Variants in CBL observed in about 807,000 individuals in gnomAD.
The protein encoded by CBL is Cbl proto-oncogene.
CBL carries 45 observed loss-of-function variants against 96.9 expected under a neutral mutation model. That is an observed-to-expected ratio of 0.46 (90% CI 0.37 to 0.60). The LOEUF (loss-of-function observed/expected upper bound fraction) is 0.60, where lower values mean the gene tolerates loss of function less well. Ranked by LOEUF, CBL falls within the 20% of genes least tolerant of loss-of-function variation. The probability of loss-of-function intolerance (pLI) is 0.00; values close to 1 mark genes in which losing one functional copy is unlikely to be tolerated. For missense variants in CBL, 1,024 were observed against 1,143.5 expected, an observed-to-expected ratio of 0.90 and a Z score of 1.51; for synonymous variants, 420 against 426.8, an observed-to-expected ratio of 0.98 and a Z score of 0.20.
At chr11:119,286,379 T>C (rs978741611) in intron 11 of CBL, among the ~76,000 whole-genome samples, 3 of 152,220 alleles carry the variant, frequency 2.0e-5, no homozygotes, top group Non-Finnish European at 2.9e-5. Context: ...TAAATGCCAT[T>C]TGTAATCTAA....
chr11:119,240,766 C>G (rs1398519460), intron 2 of CBL, among the ~76,000 whole-genome samples: 3 of 152,092 alleles, frequency 2.0e-5, no homozygotes, highest in Non-Finnish European at 4.4e-5. Flanking sequence ...TCTCTTAAAT[C>G]TTCTCTATAA....
intron 2 of CBL, among the ~76,000 whole-genome samples, chr11:119,247,490 CA>C (rs1949640894): frequency 6.6e-6 from 1 of 152,166 alleles, no homozygotes; most frequent in African/African-American, 2.4e-5. Context: ...ATGAGTTCTG[CA>C]AAGTTGCAGG....
intron 1 of CBL, among the ~76,000 whole-genome samples, chr11:119,208,424 CTT>C (rs1053769413): frequency 8.7e-5 from 13 of 150,142 alleles, no homozygotes; most frequent in African/African-American, 2.9e-4. Context: ...GTTTTTCGCT[CTT>C]GTTACCCAGG....
intron 1 of CBL, among the ~76,000 whole-genome samples, chr11:119,218,651 A>G (rs975860237): frequency 2.0e-5 from 3 of 152,050 alleles, no homozygotes; most frequent in Non-Finnish European, 4.4e-5. Context: ...GTGTATCTAC[A>G]CCGTCTACAC....
intron 2 of CBL, among the ~76,000 whole-genome samples, chr11:119,254,523 T>C (rs1205727001): frequency 6.6e-6 from 1 of 152,210 alleles, no homozygotes; most frequent in Admixed American, 6.5e-5. Context: ...CTGTAGACAG[T>C]TGTAACACAA....
intron 1 of CBL, among the ~76,000 whole-genome samples, chr11:119,212,899 G>A (rs1050361909): frequency 1.3e-5 from 2 of 151,558 alleles, no homozygotes; most frequent in African/African-American, 4.9e-5. Flanking sequence ...CCTGGCTACA[G>A]GAGGCAGAGG....
intron 1 of CBL, among the ~76,000 whole-genome samples, chr11:119,230,643 T>G (rs151227502): frequency 3.4e-4 from 52 of 152,316 alleles, no homozygotes; most frequent in African/African-American, 1.2e-3. Flanking sequence ...TTTCATGTAA[T>G]GTGTAAGGGA....
chr11:119,246,161 G>C (rs1324598722), intron 2 of CBL, among the ~76,000 whole-genome samples: 1 of 151,680 alleles, frequency 6.6e-6, no homozygotes, highest in African/African-American at 2.4e-5. Flanking sequence ...TTGTAGTAGA[G>C]ACAGGGTTTC....
intron 1 of CBL, among the ~76,000 whole-genome samples, chr11:119,214,292 G>A (rs1433604992): frequency 2.0e-5 from 3 of 150,818 alleles, no homozygotes; most frequent in East Asian, 1.9e-4. Flanking sequence ...CCAGGCTGGC[G>A]TACAGTCTCG....
chr11:119,298,347 T>A lies in CBL; in HGVS notation c.2252-11T>A. On this transcript the variant is annotated splice_polypyrimidine_tract_variant and intron_variant, in intron 14 of 15. Transcript: ENST00000264033. ...CGTCAGAAGAAGATAACATCACTCA[T>A]TTTTCTCCAGGTGAAGGGAATTTGG... The A allele has an allele frequency of 1.2e-6, 2 of 1,612,918 alleles. No individual in the cohort carries two copies. The highest frequency in any genetic ancestry group is 1.7e-6 in the Non-Finnish European group (2 of 1,178,872).
rs371858324 is a variant in CBL at position 119,284,880 on chromosome 11, A to G, written c.1432-89A>G. 5.3e-6 allele frequency: 8 copies of G among 1,505,270 alleles called. No homozygotes were observed. In the African/African-American group the frequency reaches 6.9e-5, roughly 13 times the overall value. The allele number at this position is 1,505,270 out of a possible 1,614,324, so 93.2% of individuals were successfully genotyped here. A position where few individuals can be genotyped will look rare whatever the true frequency, so the allele number is the denominator to read the frequency against. On this transcript the variant is annotated intron_variant, in intron 9 of 15. Coordinates refer to ENST00000264033, the MANE Select transcript of CBL (RefSeq NM_005188.4). ...GCCCATTTGTAGTTTAAGTGTTCCC[A>G]TGGTATTTGCCATCCACAGCTTTAG...
intron 2 of CBL, among the ~76,000 whole-genome samples, chr11:119,239,081 C>CA (rs971307483): frequency 7.6e-4 from 115 of 152,200 alleles, no homozygotes; most frequent in African/African-American, 2.6e-3. Flanking sequence ...GTGATCCTCC[C>CA]ACCTCAGTCT....
chr11:119,260,788 T>C (rs1043871821), intron 2 of CBL, among the ~76,000 whole-genome samples: 1 of 152,158 alleles, frequency 6.6e-6, no homozygotes, highest in African/African-American at 2.4e-5. Flanking sequence ...TTGATCTCTC[T>C]GCTTTCGCAG....
At chr11:119,213,889 GC>G (rs1056778518) in intron 1 of CBL, among the ~76,000 whole-genome samples, 5 of 151,724 alleles carry the variant, frequency 3.3e-5, no homozygotes, top group African/African-American at 9.7e-5. Flanking sequence ...GGCTTTGTGT[GC>G]CCCCAAGGAA....
At chr11:119,285,662 A>G (rs2135311199) in intron 11 of CBL, 96 bp downstream of exon 11, 1 of 1,381,398 alleles carries the variant, frequency 7.2e-7, no homozygotes, top group Non-Finnish European at 1.0e-6. Flanking sequence ...TTGGGAGGCC[A>G]AGGTGGGTGG....
chr11:119,287,529 A>C (rs1387982466), intron 11 of CBL, among the ~76,000 whole-genome samples: 1 of 152,224 alleles, frequency 6.6e-6, no homozygotes, highest in African/African-American at 2.4e-5. Context: ...TCAGTATAGA[A>C]TGACCATTTT....
chr11:119,296,206 A>G (rs1950061431), intron 12 of CBL, among the ~76,000 whole-genome samples: 1 of 152,216 alleles, frequency 6.6e-6, no homozygotes, highest in Non-Finnish European at 1.5e-5. Context: ...AATAATAGGA[A>G]GGGAGGAGAA....
chr11:119,285,595 C>T (rs1257730954), intron 11 of CBL, 29 bp downstream of exon 11: 2 of 1,610,214 alleles, frequency 1.2e-6, no homozygotes, highest in Admixed American at 3.3e-5. Context: ...ACTATCTAAC[C>T]TGTTAAGAAA....
chr11:119,251,791 A>G (rs1392577443), intron 2 of CBL, among the ~76,000 whole-genome samples: 1 of 152,188 alleles, frequency 6.6e-6, no homozygotes, highest in East Asian at 1.9e-4. Flanking sequence ...TGTGAATGTC[A>G]AGTAGAAAGT....
Sources: gnomAD v4.1 joint callset for allele counts (sites outside exome capture counted in the v4.1 genomes callset) on GRCh38, gnomAD v4.1.1 for gene constraint, MANE v1.5 for transcripts, NCBI Gene and HGNC (gene_info 2026-07-23, HGNC 2026-07-21) for gene names.